PRKCE: variants seen among roughly 807,000 people sequenced by gnomAD.
The protein encoded by PRKCE is protein kinase C epsilon.
PRKCE carries 16 observed loss-of-function variants against 85.4 expected under a neutral mutation model. The observed-to-expected ratio is 0.19, with a 90% CI of 0.13 to 0.28. PRKCE has a LOEUF of 0.28. PRKCE is among the 10% of genes least tolerant of loss of function. The pLI is 1.00. For missense variants in PRKCE, 573 were observed against 975.2 expected (o/e 0.59, Z 5.49); for synonymous variants, 388 against 371.5 (o/e 1.04, Z -0.51).
At chr2:45,893,082 G>A (rs567205387) in intron 2 of PRKCE, among the ~76,000 whole-genome samples, 57 of 152,280 alleles carry the variant, frequency 3.7e-4, no homozygotes, top group Non-Finnish European at 6.3e-4. Flanking sequence ...ACAGAACCCT[G>A]CAGGCCATAT....
At chr2:46,172,488 G>T (rs976549223) in intron 14 of PRKCE, among the ~76,000 whole-genome samples, 137 of 145,536 alleles carry the variant, frequency 9.4e-4, no homozygotes, top group Non-Finnish European at 1.3e-3. Context: ...GGCCTGGGCG[G>T]GCCTGGGCGT....
At chr2:45,952,902 C>G (rs1009633729) in intron 2 of PRKCE, among the ~76,000 whole-genome samples, 1 of 152,204 alleles carries the variant, frequency 6.6e-6, no homozygotes, top group Non-Finnish European at 1.5e-5. Flanking sequence ...CGAAACACAG[C>G]AGCCAAATAA....
chr2:46,028,949 T>G (rs901497367), intron 10 of PRKCE, among the ~76,000 whole-genome samples: 3 of 152,204 alleles, frequency 2.0e-5, no homozygotes, highest in Non-Finnish European at 4.4e-5. Flanking sequence ...CTAAGGATAA[T>G]GGCCTCCAGC....
intron 10 of PRKCE, among the ~76,000 whole-genome samples, chr2:46,038,994 A>G (rs922434531): frequency 1.1e-4 from 17 of 152,208 alleles, no homozygotes; most frequent in African/African-American, 3.9e-4. Flanking sequence ...TTCCTTAGGT[A>G]TCTGAGATAC....
At chr2:46,183,292 C>T (rs2104738334) in intron 14 of PRKCE, among the ~76,000 whole-genome samples, 1 of 152,294 alleles carries the variant, frequency 6.6e-6, no homozygotes, top group African/African-American at 2.4e-5. Flanking sequence ...AGCAAATCTC[C>T]AAGAGCAGGG....
chr2:46,091,184 G>A (rs1349280369), intron 11 of PRKCE, among the ~76,000 whole-genome samples: 3 of 152,246 alleles, frequency 2.0e-5, no homozygotes, highest in East Asian at 3.9e-4. Context: ...CCCTTGTGCT[G>A]TAGTAGAAGA....
intron 1 of PRKCE, among the ~76,000 whole-genome samples, chr2:45,795,364 A>G (rs1436463040): frequency 1.3e-5 from 2 of 152,100 alleles, no homozygotes; most frequent in African/African-American, 2.4e-5. Flanking sequence ...GCTGGAGTGC[A>G]GTGGCGTGAT....
Position 46,145,043 on chromosome 2 carries a change from A to G in PRKCE, c.1593-50A>G, listed in dbSNP as rs1422448456. The G allele has an allele frequency of 1.9e-6, 3 of 1,597,236 alleles. No homozygotes were observed. Among genetic ancestry groups the G allele is most frequent in the Admixed American group, 1.7e-5 (1 of 59,956 alleles). On this transcript the variant is annotated intron_variant, in intron 11 of 14. Transcript: ENST00000306156. The surrounding 1 kb of genome is among the most constrained non-coding windows in gnomAD (Gnocchi z 4.6). ...CACATACCTCCAACTCAGGAAGACT[A>G]TATTGGGGTGAGTGACGTATTGACA...
chr2:45,758,132 G>C (rs769856796), intron 1 of PRKCE, among the ~76,000 whole-genome samples: 6 of 152,218 alleles, frequency 3.9e-5, no homozygotes, highest in Non-Finnish European at 5.9e-5. Flanking sequence ...GGCTGAGACA[G>C]ATTGCCTCTC....
intron 11 of PRKCE, among the ~76,000 whole-genome samples, chr2:46,119,002 G>A (rs1180971066): frequency 2.0e-5 from 3 of 152,124 alleles, no homozygotes; most frequent in Admixed American, 6.5e-5. Flanking sequence ...GCACGAACTC[G>A]GCTCCAGGAG....
chr2:45,691,640 G>T (rs980931203), intron 1 of PRKCE, among the ~76,000 whole-genome samples: 1 of 152,070 alleles, frequency 6.6e-6, no homozygotes, highest in Non-Finnish European at 1.5e-5. Flanking sequence ...ACTCCACTTC[G>T]TGTGTGAAGA....
At chr2:45,944,195 C>T (rs1700077119) in intron 2 of PRKCE, among the ~76,000 whole-genome samples, 1 of 152,226 alleles carries the variant, frequency 6.6e-6, no homozygotes, top group South Asian at 2.1e-4. Flanking sequence ...TCCCTCCATT[C>T]TGCTTTGACT....
At chr2:45,860,329 G>C (rs979224107) in intron 2 of PRKCE, among the ~76,000 whole-genome samples, 6 of 152,210 alleles carry the variant, frequency 3.9e-5, no homozygotes, top group Non-Finnish European at 7.3e-5. Context: ...CTTACATAGT[G>C]TACTGATCCA....
At chr2:46,097,613 G>A (rs544919695) in intron 11 of PRKCE, among the ~76,000 whole-genome samples, 2 of 147,904 alleles carry the variant, frequency 1.4e-5, no homozygotes, top group Admixed American at 6.6e-5. Flanking sequence ...ATGAGAACCC[G>A]GCCCAAGCCC....
rs1013844404 is a variant in PRKCE at position 45,774,220 on chromosome 2, C to A, written c.349-68780C>A. Among the ~76,000 whole-genome samples the A allele has an allele frequency of 1.3e-5, 2 of 152,062 alleles. No homozygotes were observed. Among genetic ancestry groups the A allele is most frequent in the South Asian group, 4.1e-4 (2 of 4,826 alleles). ...TGACCACCCCTGTGGTCAGGGCCTG[C>A]GACTGGTGAGGTTCTAAGGCCTCCC... is the stretch of plus-strand genomic sequence containing the variant. On this transcript the variant is annotated intron_variant, in intron 1 of 14. Coordinates refer to ENST00000306156, the MANE Select transcript of PRKCE (RefSeq NM_005400.3). This position sits in a 1 kb window ranked among gnomAD's most constrained non-coding sequence, Gnocchi z 4.3.
chr2:46,133,757 G>A (rs1360150970), intron 11 of PRKCE, among the ~76,000 whole-genome samples: 2 of 152,124 alleles, frequency 1.3e-5, no homozygotes, highest in Non-Finnish European at 2.9e-5. Flanking sequence ...CTGTGAACAC[G>A]AAGGCACCAT....
chr2:45,702,164 G>A (rs1572989329), intron 1 of PRKCE, among the ~76,000 whole-genome samples: 2 of 152,102 alleles, frequency 1.3e-5, no homozygotes, highest in South Asian at 4.1e-4. Flanking sequence ...ACTCCAGCCT[G>A]GGTGACAGAG....
chr2:46,017,137 C>T (rs1214860159), intron 10 of PRKCE, among the ~76,000 whole-genome samples: 2 of 151,828 alleles, frequency 1.3e-5, no homozygotes, highest in Non-Finnish European at 2.9e-5. Flanking sequence ...TAATGTCCAT[C>T]CATCACCCCT....
At chr2:46,054,536 C>T (rs1209251906) in intron 10 of PRKCE, among the ~76,000 whole-genome samples, 1 of 152,150 alleles carries the variant, frequency 6.6e-6, no homozygotes, top group Non-Finnish European at 1.5e-5. Context: ...AAAAATCTTC[C>T]ATTCTTAGGA....
Sources: gnomAD v4.1 joint callset for allele counts (sites outside exome capture counted in the v4.1 genomes callset) on GRCh38, gnomAD v4.1.1 for gene constraint, Gnocchi (gnomAD v3.1) non-coding constraint, MANE v1.5 for transcripts, NCBI Gene and HGNC (gene_info 2026-07-23, HGNC 2026-07-21) for gene names.